Variants in SUPT20H observed in about 807,000 individuals in gnomAD.
The protein encoded by SUPT20H is SPT20 homolog, SAGA complex component.
A neutral mutation model predicts 122.8 loss-of-function variants in SUPT20H; 82 were observed. The ratio of observed to expected loss-of-function variants is 0.67; its 90% confidence interval spans 0.56 to 0.80. The LOEUF is 0.80. Ranked by LOEUF, SUPT20H falls within the 30% of genes least tolerant of loss-of-function variation. The pLI is 0.00. For missense variants in SUPT20H, 831 were observed against 921.6 expected, an observed-to-expected ratio of 0.90 and a Z score of 1.27; for synonymous variants, 291 against 313.0, an observed-to-expected ratio of 0.93 and a Z score of 0.74.
At chr13:37,017,217 A>G (rs2060661716) in intron 23 of SUPT20H, 28 bp downstream of exon 23, 1 of 1,613,898 alleles carries the variant, frequency 6.2e-7, no homozygotes, top group Non-Finnish European at 8.5e-7. Flanking sequence ...TCGATGTAAA[A>G]GCATATGGAA....
intron 21 of SUPT20H, among the ~76,000 whole-genome samples, chr13:37,021,213 G>T (rs1246572649): frequency 3.3e-5 from 5 of 152,178 alleles, no homozygotes; most frequent in African/African-American, 1.2e-4. Context: ...TTGGAAAGCA[G>T]AAGAAAGATT....
chr13:37,047,016 T>C (rs1345236133), intron 5 of SUPT20H: 1 of 152,238 alleles, frequency 6.6e-6, no homozygotes, highest in East Asian at 1.9e-4. Flanking sequence ...TCGACTTCTG[T>C]TACATGTCTA....
At chr13:37,056,911 G>C (rs1007402570) in intron 1 of SUPT20H, 3 of 152,192 alleles carry the variant, frequency 2.0e-5, no homozygotes, top group Admixed American at 1.3e-4. Context: ...CTAGAGTGAG[G>C]CACAGTCCCC....
chr13:37,012,319 G>A (rs753757829), intron 23 of SUPT20H, 22 bp from the exon 24 acceptor site: 15 of 1,587,880 alleles, frequency 9.4e-6, no homozygotes, highest in Non-Finnish European at 1.3e-5. Flanking sequence ...AATAATAAAT[G>A]ACTTGTACAA....
In SUPT20H at chr13:37,049,595, T is replaced by C. The variant is rs185147084; in HGVS notation, c.4-996A>G. Among the ~76,000 whole-genome samples, 370 of 152,128 alleles carry C rather than the reference T, an allele frequency of 2.4e-3. 3 individuals carry two copies. The highest frequency in any genetic ancestry group is 8.4e-3 in the African/African-American group (350 of 41,506). On this transcript the variant is annotated intron_variant, in intron 2 of 25. Coordinates refer to ENST00000350612, the MANE Select transcript of SUPT20H (RefSeq NM_001014286.3). ...TCTCTACTAAAAATACAAAATTAGCTGGGCGTGGTAGCACGCGCCTGTAGT... is the reference window on the plus strand; with the variant it reads ...TCTCTACTAAAAATACAAAATTAGCCGGGCGTGGTAGCACGCGCCTGTAGT...
intron 3 of SUPT20H, 87 bp from the exon 4 acceptor site, chr13:37,048,023 G>A (rs2066844981): frequency 2.3e-6 from 2 of 867,900 alleles, no homozygotes; most frequent in Non-Finnish European, 3.4e-6. Context: ...CATACGTAAG[G>A]CTAAAAAGGC....
chr13:37,047,449 A>C, intron 5 of SUPT20H, 86 bp downstream of exon 5: 1 of 1,326,590 alleles, frequency 7.5e-7, no homozygotes, highest in Non-Finnish European at 9.9e-7. Flanking sequence ...ACTCACACAC[A>C]CAAAAATAAT....
intron 22 of SUPT20H, among the ~76,000 whole-genome samples, 170 bp from the exon 23 acceptor site, chr13:37,017,534 A>G (rs1290630338): frequency 6.6e-6 from 1 of 152,222 alleles, no homozygotes; most frequent in Non-Finnish European, 1.5e-5. Flanking sequence ...AGACCTATTT[A>G]GAAACTGTTT....
At chr13:37,010,111 G>C (rs146982502) in intron 25 of SUPT20H, among the ~76,000 whole-genome samples, 25 of 152,242 alleles carry the variant, frequency 1.6e-4, no homozygotes, top group African/African-American at 5.8e-4. Context: ...ATGGTTTATA[G>C]CAATATAAAA....
rs2061777871 is a variant in SUPT20H at position 37,023,944 on chromosome 13, T to C, written c.1591+91A>G. ...TTTGGGTACACAGTACATTCAGATA[T>C]CACTACTTCACAGGTTGAAAAAAGC... is the stretch of plus-strand genomic sequence containing the variant. On this transcript the variant is annotated intron_variant, in intron 19 of 25. Coordinates refer to ENST00000350612, the MANE Select transcript of SUPT20H (RefSeq NM_001014286.3). The C allele has an allele frequency of 3.7e-6, 5 of 1,364,990 alleles. No homozygotes were observed. The Admixed American group carries it at 9.5e-5, about 26-fold the overall frequency. The allele number at this position is 1,364,990 out of a possible 1,614,324, so 84.6% of individuals were successfully genotyped here. A position where few individuals can be genotyped will look rare whatever the true frequency, so the allele number is the denominator to read the frequency against.
intron 13 of SUPT20H, among the ~76,000 whole-genome samples, 164 bp from the exon 14 acceptor site, chr13:37,028,469 A>C (rs1160771796): frequency 1.3e-5 from 2 of 152,156 alleles, no homozygotes; most frequent in Non-Finnish European, 2.9e-5. Flanking sequence ...AGAATAAAGC[A>C]CAGCACGGTT....
chr13:37,056,620 TGGGAGGAGGG>T (rs1247888077), intron 1 of SUPT20H, among the ~76,000 whole-genome samples: 1 of 149,726 alleles, frequency 6.7e-6, no homozygotes, highest in Non-Finnish European at 1.5e-5. Context: ...TGTTTTGGGG[TGGGAGGAGGG>T]GGGAGGGATA....
chr13:37,017,120 C>G, intron 23 of SUPT20H, 125 bp downstream of exon 23: 1 of 1,354,040 alleles, frequency 7.4e-7, no homozygotes, highest in Non-Finnish European at 1.0e-6. Context: ...CTGATTGCTA[C>G]TATTGTTAAT....
intron 23 of SUPT20H, among the ~76,000 whole-genome samples, chr13:37,014,269 T>C (rs1272508483): frequency 6.6e-6 from 1 of 152,060 alleles, no homozygotes; most frequent in African/African-American, 2.4e-5. Flanking sequence ...AAACAACCTT[T>C]AGCAAAAGGA....
chr13:37,016,759 C>T (rs2060581680), intron 23 of SUPT20H, among the ~76,000 whole-genome samples: 1 of 152,152 alleles, frequency 6.6e-6, no homozygotes, highest in Non-Finnish European at 1.5e-5. Flanking sequence ...TTTAGAAACA[C>T]TTGTACTTCC....
At chr13:37,030,762 C>CA (rs1437513377) in intron 12 of SUPT20H, among the ~76,000 whole-genome samples, 31 of 152,344 alleles carry the variant, frequency 2.0e-4, no homozygotes, top group African/African-American at 5.3e-4. Context: ...TCAGTATTTA[C>CA]ACTGAAATTC....
chr13:37,044,327 C>A, intron 6 of SUPT20H, 146 bp from the exon 7 acceptor site: 2 of 548,444 alleles, frequency 3.6e-6, no homozygotes, highest in South Asian at 5.0e-5. Context: ...AAATAAAAAA[C>A]AAAACCAAAA....
intron 13 of SUPT20H, among the ~76,000 whole-genome samples, 190 bp from the exon 14 acceptor site, chr13:37,028,495 A>G (rs1447864717): frequency 6.6e-6 from 1 of 152,196 alleles, no homozygotes; most frequent in Non-Finnish European, 1.5e-5. Flanking sequence ...CCTAAAAACT[A>G]TATGGGCACT....
intron 23 of SUPT20H, among the ~76,000 whole-genome samples, chr13:37,014,809 A>C (rs570681351): frequency 6.6e-6 from 1 of 152,232 alleles, no homozygotes; most frequent in African/African-American, 2.4e-5. Context: ...CCAAGAAAAC[A>C]TTCCAGAAAT....
Sources: gnomAD v4.1 joint callset for allele counts (sites outside exome capture counted in the v4.1 genomes callset) on GRCh38, gnomAD v4.1.1 for gene constraint, MANE v1.5 for transcripts, NCBI Gene and HGNC (gene_info 2026-07-23, HGNC 2026-07-21) for gene names.